Variants in PRDM6 observed in about 807,000 individuals in gnomAD.
PRDM6 encodes putative histone-lysine N-methyltransferase PRDM6.
Under a neutral mutation model 60.8 loss-of-function variants are expected in PRDM6, and 25 were observed. That is an observed-to-expected ratio of 0.41 (90% CI 0.30 to 0.57). The LOEUF (loss-of-function observed/expected upper bound fraction) is 0.57, where lower values mean the gene tolerates loss of function less well. PRDM6 is among the 20% of genes least tolerant of loss of function. PRDM6 has a pLI of 0.27. For synonymous variants in PRDM6, 407 were observed against 357.4 expected (o/e 1.14, Z -1.57); for missense variants, 839 against 821.3 (o/e 1.02, Z -0.26).
rs759633797 is a variant in PRDM6, at chr5:123,099,990, CA to C, written c.900+30del. ...AGTGGCCGGCTGCACAGCGCCTCCCCACCGAGCAGGAGCCTTGGCCAGCAGG... is the reference window on the plus strand; with the variant it reads ...AGTGGCCGGCTGCACAGCGCCTCCCCCCGAGCAGGAGCCTTGGCCAGCAGG... On this transcript the variant is annotated intron_variant, in intron 3 of 7. Transcript: ENST00000407847. The surrounding 1 kb of genome is among the most constrained non-coding windows in gnomAD (Gnocchi z 4.0). 1.1e-4 allele frequency: 166 copies of C among 1,475,556 alleles called. 2 individuals carry two copies. The highest frequency in any genetic ancestry group is 1.0e-3 in the South Asian group (73 of 70,694). The allele number at this position is 1,475,556 out of a possible 1,614,324, so 91.4% of individuals were successfully genotyped here. A position where few individuals can be genotyped will look rare whatever the true frequency, so the allele number is the denominator to read the frequency against.
intron 3 of PRDM6, among the ~76,000 whole-genome samples, chr5:123,143,516 G>A (rs1465588010): frequency 3.3e-5 from 5 of 152,122 alleles, no homozygotes; most frequent in African/African-American, 9.7e-5. Flanking sequence ...GGCAAACCTT[G>A]TGTCCCAGAC....
intron 2 of PRDM6, among the ~76,000 whole-genome samples, chr5:123,097,354 T>C (rs927264555): frequency 4.6e-5 from 7 of 152,216 alleles, no homozygotes; most frequent in Non-Finnish European, 1.0e-4. Flanking sequence ...GTTTGAATGT[T>C]AAATTTCCCC....
intron 4 of PRDM6, among the ~76,000 whole-genome samples, chr5:123,159,307 CAT>C (rs1230222681): frequency 1.3e-5 from 2 of 152,100 alleles, no homozygotes; most frequent in Admixed American, 1.3e-4. Flanking sequence ...TAGGGAGGGT[CAT>C]TGTGGAAATA....
chr5:123,119,152 T>C (rs917640108), intron 3 of PRDM6, among the ~76,000 whole-genome samples: 1 of 151,924 alleles, frequency 6.6e-6, no homozygotes, highest in Non-Finnish European at 1.5e-5. Context: ...GCATTAACTG[T>C]TACTATCTCC....
Position 123,187,438 on chromosome 5 carries a change from G to T in PRDM6, c.*237G>T. 1 of 322,006 alleles carries T rather than the reference G, an allele frequency of 3.1e-6. No homozygotes were observed. The highest frequency in any genetic ancestry group is 5.9e-6 in the Non-Finnish European group (1 of 169,714). The allele number at this position is 322,006 out of a possible 1,614,324, so 19.9% of individuals were successfully genotyped here. On this transcript the variant is annotated 3_prime_UTR_variant, in exon 8 of 8. Coordinates refer to ENST00000407847, the MANE Select transcript of PRDM6 (RefSeq NM_001136239.4). ...CTTATTTCAGTGGACAACTAACCTG[G>T]GATGGTTAACATTTCCAGTCCCACC...
rs1453509675 is a variant in PRDM6, at chr5:123,188,376, AAG to A, written c.*1179_*1180del. The stretch of plus-strand genomic sequence containing the variant: ...TCTTTTCTTGAGATTGATTAATTGA[AAG>A]AGAAGGAATTCTCCACACAATTTCA... On this transcript the variant is annotated 3_prime_UTR_variant, in exon 8 of 8. Coordinates refer to ENST00000407847, the MANE Select transcript of PRDM6 (RefSeq NM_001136239.4). 1 of 152,230 alleles carries A rather than the reference AAG, an allele frequency of 6.6e-6. No homozygotes were observed. Among genetic ancestry groups the A allele is most frequent in the Non-Finnish European group, 1.5e-5 (1 of 68,044 alleles). 9.4% of individuals were successfully genotyped at this position (152,230 alleles called of 1,614,324 possible). A position where few individuals can be genotyped will look rare whatever the true frequency, so the allele number is the denominator to read the frequency against.
At chr5:123,093,150 C>G (rs192787632) in intron 2 of PRDM6, among the ~76,000 whole-genome samples, 22 of 152,280 alleles carry the variant, frequency 1.4e-4, no homozygotes, top group Non-Finnish European at 2.9e-4. Context: ...CCATCTCCCT[C>G]TAAAAGAATT....
At chr5:123,146,642 C>T (rs1211612711) in intron 3 of PRDM6, among the ~76,000 whole-genome samples, 1 of 152,118 alleles carries the variant, frequency 6.6e-6, no homozygotes, top group East Asian at 1.9e-4. Context: ...TTCACTGACA[C>T]GACAAGGGAT....
intron 3 of PRDM6, among the ~76,000 whole-genome samples, chr5:123,142,567 G>T (rs1480450079): frequency 6.6e-6 from 1 of 151,942 alleles, no homozygotes; most frequent in East Asian, 1.9e-4. Context: ...TAGGAAAAAT[G>T]GTGGCATCAT....
At chr5:123,183,248 C>G (rs1430166655) in intron 7 of PRDM6, among the ~76,000 whole-genome samples, 1 of 152,128 alleles carries the variant, frequency 6.6e-6, no homozygotes, top group East Asian at 1.9e-4. Flanking sequence ...AATAGATGCC[C>G]CAGATGGCTC....
chr5:123,149,662 C>T (rs1484491286), intron 3 of PRDM6, among the ~76,000 whole-genome samples: 2 of 152,158 alleles, frequency 1.3e-5, no homozygotes, highest in Admixed American at 6.5e-5. Flanking sequence ...AGAAATGCTT[C>T]CTTACCGTTT....
In PRDM6 at chr5:123,090,304, C is replaced by G. The variant is rs1037692865; in HGVS notation, c.290C>G (p.Ala97Gly). 11 of 1,484,610 alleles carry G rather than the reference C, an allele frequency of 7.4e-6. No homozygotes were observed. Among genetic ancestry groups the G allele is most frequent in the African/African-American group, 1.5e-5 (1 of 68,284 alleles). The allele number at this position is 1,484,610 out of a possible 1,614,324, so 92.0% of individuals were successfully genotyped here. The stretch of plus-strand genomic sequence containing the variant: ...TCCGCCTCCTCCGCCTCCTCCTGCG[C>G]TGCTGCGGCCGCTGCCGCCGCGCTG... ...STSASSASSC[A>G]AAAAAAALAG... is the part of the protein sequence containing the mutation. Residue 97 changes from alanine (A) to glycine (G), a missense_variant, in exon 2 of 8, where the codon GCT (alanine) becomes GGT (glycine). Around this residue, in one of 2 missense-constraint regions of PRDM6, gnomAD observed 730 missense variants for 648.8 expected, o/e 1.13. Coordinates refer to ENST00000407847, the MANE Select transcript of PRDM6 (RefSeq NM_001136239.4).
chr5:123,147,142 T>A (rs182836946), intron 3 of PRDM6, among the ~76,000 whole-genome samples: 1 of 152,270 alleles, frequency 6.6e-6, no homozygotes, highest in Admixed American at 6.5e-5. Context: ...GTAAATTATT[T>A]AATAGATGTC....
At chr5:123,091,675 A>G (rs1184052103) in intron 2 of PRDM6, among the ~76,000 whole-genome samples, 2 of 152,240 alleles carry the variant, frequency 1.3e-5, no homozygotes, top group African/African-American at 4.8e-5. Flanking sequence ...ACTTCTGGAG[A>G]TAACATTAAA....
At chr5:123,164,657 G>C (rs978484871) in intron 5 of PRDM6, among the ~76,000 whole-genome samples, 8 of 152,212 alleles carry the variant, frequency 5.3e-5, no homozygotes, top group African/African-American at 1.9e-4. Context: ...AAAAGGTGTT[G>C]ACAGAGACAA....
At chr5:123,159,332 T>C (rs1396358489) in intron 4 of PRDM6, among the ~76,000 whole-genome samples, 182 bp from the exon 5 acceptor site, 3 of 152,212 alleles carry the variant, frequency 2.0e-5, no homozygotes, top group African/African-American at 7.2e-5. Flanking sequence ...TTGAATGCTG[T>C]TTATCACACT....
intron 2 of PRDM6, among the ~76,000 whole-genome samples, chr5:123,093,574 TTGCTGC>T (rs1354022532): frequency 6.6e-6 from 1 of 152,248 alleles, no homozygotes; most frequent in Non-Finnish European, 1.5e-5. Context: ...TGCTTTGCTG[TTGCTGC>T]TGCTGCCGCC....
intron 3 of PRDM6, among the ~76,000 whole-genome samples, chr5:123,140,959 A>C (rs1349777418): frequency 1.3e-5 from 2 of 152,066 alleles, no homozygotes; most frequent in Non-Finnish European, 2.9e-5. Flanking sequence ...TCAGATTCTA[A>C]GTTAAAATTT....
At chr5:123,126,154 T>A (rs376017145) in intron 3 of PRDM6, among the ~76,000 whole-genome samples, 4 of 152,042 alleles carry the variant, frequency 2.6e-5, no homozygotes, top group South Asian at 4.1e-4. Flanking sequence ...GAATGATGAG[T>A]CATCCCTCAC....
Sources: gnomAD v4.1 joint callset for allele counts (sites outside exome capture counted in the v4.1 genomes callset) on GRCh38, gnomAD v4.1.1 for gene constraint, gnomAD v4.1.1 regional missense constraint, Gnocchi (gnomAD v3.1) non-coding constraint, MANE v1.5 for transcripts, NCBI Gene and HGNC (gene_info 2026-07-23, HGNC 2026-07-21) for gene names.